The following TNFRSF10B variants were observed in gnomAD, a reference collection of about 807,000 sequenced individuals.
The protein encoded by TNFRSF10B is TNF receptor superfamily member 10b, also known as tumor necrosis factor receptor superfamily member 10B.
Under a neutral mutation model 41.4 loss-of-function variants are expected in TNFRSF10B, and 35 were observed. That is an observed-to-expected ratio of 0.85 (90% CI 0.65 to 1.12). The LOEUF (loss-of-function observed/expected upper bound fraction) is 1.12. Among genes scored for constraint, TNFRSF10B ranks in the 50% most tolerant of loss-of-function variants. TNFRSF10B has a pLI of 0.00. For synonymous variants in TNFRSF10B, 230 were observed against 215.5 expected, an observed-to-expected ratio of 1.07 and a Z score of -0.59; for missense variants, 584 against 552.7, an observed-to-expected ratio of 1.06 and a Z score of -0.57.
Position 23,021,760 on chromosome 8 carries a change from G to C in TNFRSF10B, c.*911C>G, listed in dbSNP as rs941958108. The stretch of plus-strand genomic sequence containing the variant: ...CCAGTTCAAAAGACTGGCCCCTGTA[G>C]AAGTTGCCAATCATTGAAGCCAAAG... On this transcript the variant is annotated 3_prime_UTR_variant, in exon 9 of 9. Coordinates refer to ENST00000276431, the MANE Select transcript of TNFRSF10B (RefSeq NM_003842.5). The C allele has an allele frequency of 4.4e-6, 2 of 454,000 alleles. No individual in the cohort carries two copies. The highest frequency in any genetic ancestry group is 6.8e-4 in the Middle Eastern group (1 of 1,466). 28.1% of individuals were successfully genotyped at this position (454,000 alleles called of 1,614,324 possible).
intron 1 of TNFRSF10B, among the ~76,000 whole-genome samples, chr8:23,053,704 C>T (rs1218913863): frequency 6.6e-6 from 1 of 152,088 alleles, no homozygotes; most frequent in East Asian, 1.9e-4. Flanking sequence ...TATGGTCAAA[C>T]ATTAAAATTG....
At position 23,020,636 on chromosome 8, in the gene TNFRSF10B, G is replaced by A. The variant is rs773411184; in HGVS notation, c.*2035C>T. On this transcript the variant is annotated 3_prime_UTR_variant, in exon 9 of 9. Coordinates refer to ENST00000276431, the MANE Select transcript of TNFRSF10B (RefSeq NM_003842.5). ...GAACCCAGGAGGCGGAGGTTGCACT[G>A]AGCCAAGATCGTACCGTTGCACTCC... The A allele has an allele frequency of 2.2e-6, 1 of 453,856 alleles. No homozygotes were observed. Among genetic ancestry groups the A allele is most frequent in the East Asian group, 6.9e-5 (1 of 14,398 alleles). 28.1% of individuals were successfully genotyped at this position (453,856 alleles called of 1,614,324 possible). A position where few individuals can be genotyped will look rare whatever the true frequency, so the allele number is the denominator to read the frequency against.
At chr8:23,056,990 C>T (rs958006981) in intron 1 of TNFRSF10B, among the ~76,000 whole-genome samples, 4 of 151,214 alleles carry the variant, frequency 2.6e-5, no homozygotes, top group African/African-American at 7.3e-5. Context: ...TGCATGTGTC[C>T]TCTTATAAAT....
chr8:23,068,455 C>T (rs1813064953), intron 1 of TNFRSF10B: 1 of 500,470 alleles, frequency 2.0e-6, no homozygotes, highest in Non-Finnish European at 3.5e-6. Flanking sequence ...GTCCGACGAC[C>T]TCTCCGTGGC....
At chr8:23,028,047 C>T in intron 5 of TNFRSF10B, 2 of 599,380 alleles carry the variant, frequency 3.3e-6, no homozygotes, top group Admixed American at 3.0e-5. Context: ...GAGGAGCCGA[C>T]TGCCCCCTGC....
At chr8:23,033,585 C>CAAAAAAAAAAA (rs59282000) in intron 2 of TNFRSF10B, among the ~76,000 whole-genome samples, 1 of 62,278 alleles carries the variant, frequency 1.6e-5, no homozygotes, top group Admixed American at 2.1e-4. Flanking sequence ...GACTCCGTCT[C>CAAAAAAAAAAA]AAAAAAAAAA....
rs11321750 is a variant in TNFRSF10B at position 23,063,346 on chromosome 8, CAAAA to C, written c.144+5401_144+5404del. On this transcript the variant is annotated intron_variant, in intron 1 of 8. Transcript: ENST00000276431. ...CTGGGCAGCAACAGTGAAACTGTCT[CAAAA>C]AAAAAAAAAAAAATCCATGTTTCCA... Among the ~76,000 whole-genome samples, 1,061 of 128,854 alleles carry C rather than the reference CAAAA, an allele frequency of 8.2e-3. 15 individuals carry two copies. The highest frequency in any genetic ancestry group is 0.028 in the African/African-American group (1,003 of 35,678). The allele number at this position is 128,854 out of a possible 152,430, so 84.5% of individuals were successfully genotyped here.
chr8:23,049,489 C>A (rs1384551767), intron 1 of TNFRSF10B, among the ~76,000 whole-genome samples: 2 of 152,140 alleles, frequency 1.3e-5, no homozygotes, highest in African/African-American at 4.8e-5. Context: ...ATCACCCCAG[C>A]ACCTGGACCC....
intron 2 of TNFRSF10B, among the ~76,000 whole-genome samples, chr8:23,040,276 T>A (rs11135690): frequency 0.029 from 943 of 32,800 alleles, 77 homozygotes; most frequent in East Asian, 0.14. Flanking sequence ...AATATATATA[T>A]AATATATATT....
intron 7 of TNFRSF10B, among the ~76,000 whole-genome samples, chr8:23,025,660 T>C (rs985298050): frequency 1.3e-5 from 2 of 152,196 alleles, no homozygotes; most frequent in African/African-American, 4.8e-5. Context: ...CACAAGAAAT[T>C]ATCCACTGTA....
At chr8:23,026,511 C>G (rs1420999340) in intron 7 of TNFRSF10B, among the ~76,000 whole-genome samples, 1 of 152,110 alleles carries the variant, frequency 6.6e-6, no homozygotes, top group Non-Finnish European at 1.5e-5. Context: ...AAAATCAAAT[C>G]ATTAAAAATA....
chr8:23,044,311 A>G (rs1271350026), intron 1 of TNFRSF10B, among the ~76,000 whole-genome samples: 1 of 152,264 alleles, frequency 6.6e-6, no homozygotes, highest in Non-Finnish European at 1.5e-5. Context: ...TAGGAAAAAA[A>G]GTAGATAAAT....
At chr8:23,034,288 T>C (rs944578554) in intron 2 of TNFRSF10B, among the ~76,000 whole-genome samples, 3 of 152,226 alleles carry the variant, frequency 2.0e-5, no homozygotes, top group Admixed American at 6.5e-5. Flanking sequence ...TTCCTCATTT[T>C]AGTATGTGTA....
Position 23,020,479 on chromosome 8 carries a change from G to T in TNFRSF10B, c.*2192C>A, listed in dbSNP as rs755408705. ...CGGAGGCCAAGGTGGATCACCTGAG[G>T]TCAGGAGTTCGAGACCAGCCTGACC... On this transcript the variant is annotated 3_prime_UTR_variant, in exon 9 of 9. Coordinates refer to ENST00000276431, the MANE Select transcript of TNFRSF10B (RefSeq NM_003842.5). 6.4e-5 allele frequency: 29 copies of T among 453,668 alleles called. 1 individual carries two copies. Among genetic ancestry groups the T allele is most frequent in the South Asian group, 4.5e-4 (29 of 64,476 alleles). 28.1% of individuals were successfully genotyped at this position (453,668 alleles called of 1,614,324 possible). A position where few individuals can be genotyped will look rare whatever the true frequency, so the allele number is the denominator to read the frequency against.
Position 23,022,689 on chromosome 8 carries a change from T to G in TNFRSF10B, c.1305A>C (p.Ala435=), listed in dbSNP as rs974616886. Residue 435 remains alanine, a synonymous_variant, in exon 9 of 9, where the codon GCA becomes GCC. Coordinates refer to ENST00000276431, the MANE Select transcript of TNFRSF10B (RefSeq NM_003842.5). Reference sequence around the variant, plus strand: ...ATCACACTTAGGACATGGCAGAGTCTGCATTACCTTCTAGATACATGAACT... The same window carrying G: ...ATCACACTTAGGACATGGCAGAGTCGGCATTACCTTCTAGATACATGAACT... ...SGKFMYLEGN[A]DSAMS is the part of the protein sequence containing the mutation. 6.2e-7 allele frequency: 1 copy of G among 1,614,048 alleles called. No individual in the cohort carries two copies. The highest frequency in any genetic ancestry group is 1.3e-5 in the African/African-American group (1 of 75,002).
chr8:23,058,633 G>C (rs1812738616), intron 1 of TNFRSF10B, among the ~76,000 whole-genome samples: 1 of 151,938 alleles, frequency 6.6e-6, no homozygotes, highest in African/African-American at 2.4e-5. Context: ...CTACAGGCAT[G>C]CATCACAATG....
intron 1 of TNFRSF10B, among the ~76,000 whole-genome samples, chr8:23,047,919 G>A (rs1016676497): frequency 1.3e-5 from 2 of 152,138 alleles, no homozygotes; most frequent in African/African-American, 4.8e-5. Context: ...GTTCATTGCA[G>A]CTCTATTTAC....
In TNFRSF10B at chr8:23,028,330, C is replaced by A; in HGVS notation, c.748+1G>T. The A allele has an allele frequency of 6.2e-7, 1 of 1,614,064 alleles. No homozygotes were observed. The highest frequency in any genetic ancestry group is 8.5e-7 in the Non-Finnish European group (1 of 1,180,008). On this transcript the variant is annotated splice_donor_variant, in intron 5 of 8. Transcript: ENST00000276431. LOFTEE classifies it high-confidence loss of function. The stretch of plus-strand genomic sequence containing the variant: ...TGCCCCCGCCCTCAGCCAGCACCTA[C>A]CTGAGCAGATGCCTTTCAGGTAAGG...
chr8:23,059,032 G>A (rs998541037), intron 1 of TNFRSF10B, among the ~76,000 whole-genome samples: 3 of 151,974 alleles, frequency 2.0e-5, no homozygotes, highest in Non-Finnish European at 4.4e-5. Context: ...ACAACCGCTG[G>A]CATCCAACAT....
Sources: gnomAD v4.1 joint callset for allele counts (sites outside exome capture counted in the v4.1 genomes callset) on GRCh38, gnomAD v4.1.1 for gene constraint, MANE v1.5 for transcripts, NCBI Gene and HGNC (gene_info 2026-07-23, HGNC 2026-07-21) for gene names.